ENTPD5: variants seen among roughly 807,000 people sequenced by gnomAD.
The protein encoded by ENTPD5 is ectonucleoside triphosphate diphosphohydrolase 5 (inactive).
In ENTPD5, 49 loss-of-function variants were observed where a neutral mutation model predicts 60.2. That is an observed-to-expected ratio of 0.81 (90% CI 0.65 to 1.03). ENTPD5 has a LOEUF of 1.03. Among genes scored for constraint, ENTPD5 ranks in the 50% least tolerant of loss-of-function variants. The pLI, the probability that ENTPD5 is intolerant of heterozygous loss-of-function variation, is 0.00. For missense variants in ENTPD5, 480 were observed against 507.6 expected, an observed-to-expected ratio of 0.95 and a Z score of 0.52; for synonymous variants, 187 against 185.4, an observed-to-expected ratio of 1.01 and a Z score of -0.07.
rs2056963507 is a variant in ENTPD5, at chr14:73,966,171, C to T, written c.*757G>A. The stretch of plus-strand genomic sequence containing the variant: ...GGAGGTGGTACTGGCACTGAATATA[C>T]ACATACCCATAAAGTCGGATATGTT... On this transcript the variant is annotated 3_prime_UTR_variant, in exon 16 of 16. Coordinates refer to ENST00000334696, the MANE Select transcript of ENTPD5 (RefSeq NM_001249.5). 1 of 152,212 alleles carries T rather than the reference C, an allele frequency of 6.6e-6. No homozygotes were observed. Among genetic ancestry groups the T allele is most frequent in the Non-Finnish European group, 1.5e-5 (1 of 68,028 alleles). 9.4% of individuals were successfully genotyped at this position (152,212 alleles called of 1,614,324 possible).
intron 12 of ENTPD5, 61 bp downstream of exon 12, chr14:73,973,816 G>T: frequency 1.4e-6 from 2 of 1,455,210 alleles, no homozygotes; most frequent in South Asian, 1.1e-5. Context: ...AGTTTCCCAT[G>T]GGACTTTTCC....
intron 5 of ENTPD5, 91 bp downstream of exon 5, chr14:73,986,723 A>C (rs902482565): frequency 1.3e-4 from 115 of 887,352 alleles, no homozygotes; most frequent in Non-Finnish European, 9.9e-5. Flanking sequence ...TCTCAATCTC[A>C]TTAGTGAATA....
chr14:73,999,235 C>G (rs1196343192), intron 3 of ENTPD5, among the ~76,000 whole-genome samples: 1 of 152,174 alleles, frequency 6.6e-6, no homozygotes, highest in Admixed American at 6.5e-5. Context: ...CGCCTGTAAT[C>G]CCAGCACTTT....
chr14:73,985,858 G>T (rs989367320), intron 5 of ENTPD5, among the ~76,000 whole-genome samples: 1 of 151,952 alleles, frequency 6.6e-6, no homozygotes, highest in Non-Finnish European at 1.5e-5. Flanking sequence ...CGGATCACAA[G>T]GTCAGGAGTT....
Position 73,976,357 on chromosome 14 carries a change from G to A in ENTPD5, c.609C>T (p.Ala203=), listed in dbSNP as rs1242246422. 13 of 1,614,134 alleles carry A rather than the reference G, an allele frequency of 8.1e-6. No homozygotes were observed. In the East Asian group the frequency reaches 2.2e-4, roughly 28 times the overall value. Residue 203 remains alanine (A), a synonymous_variant, in exon 9 of 16, where the codon GCC becomes GCT. Coordinates refer to ENST00000334696, the MANE Select transcript of ENTPD5 (RefSeq NM_001249.5). The part of the protein sequence containing the change: ...ETVGTLDLGG[A]STQITFLPQF... Reference sequence around the variant, plus strand: ...GGGGCAGGAACGTGATTTGGGTGGAGGCTCCCCCTAGGTCCAAGGTCCCCA... The same window carrying A: ...GGGGCAGGAACGTGATTTGGGTGGAAGCTCCCCCTAGGTCCAAGGTCCCCA...
chr14:73,964,589 T>C lies in ENTPD5; in HGVS notation c.*2339A>G, dbSNP rs1953833288. The stretch of plus-strand genomic sequence containing the variant: ...GACCAGAGACTTATATCTCTGCATT[T>C]GTCAAGCTGGAACAGTCTTTAGTGA... On this transcript the variant is annotated 3_prime_UTR_variant, in exon 16 of 16. Coordinates refer to ENST00000334696, the MANE Select transcript of ENTPD5 (RefSeq NM_001249.5). 6.6e-6 allele frequency: 1 copy of C among 152,234 alleles called. No individual in the cohort carries two copies. The highest frequency in any genetic ancestry group is 2.4e-5 in the African/African-American group (1 of 41,454). 9.4% of individuals were successfully genotyped at this position (152,234 alleles called of 1,614,324 possible).
rs1363747877 is a variant in ENTPD5, at chr14:73,966,098, A to G, written c.*830T>C. 2 of 152,262 alleles carry G rather than the reference A, an allele frequency of 1.3e-5. No individual in the cohort carries two copies. The highest frequency in any genetic ancestry group is 6.5e-5 in the Admixed American group (1 of 15,282). 9.4% of individuals were successfully genotyped at this position (152,262 alleles called of 1,614,324 possible). A position where few individuals can be genotyped will look rare whatever the true frequency, so the allele number is the denominator to read the frequency against. Reference sequence around the variant, plus strand: ...CTAGTTGTATTTCTTAGAAATACAAAGAAAACAAGTTTAGAATCATAGAAA... The same window carrying G: ...CTAGTTGTATTTCTTAGAAATACAAGGAAAACAAGTTTAGAATCATAGAAA... On this transcript the variant is annotated 3_prime_UTR_variant, in exon 16 of 16. Transcript: ENST00000334696.
chr14:73,976,189 T>C, intron 9 of ENTPD5, 135 bp downstream of exon 9: 2 of 841,548 alleles, frequency 2.4e-6, no homozygotes, highest in Non-Finnish European at 3.9e-6. Context: ...CAAGGGAACA[T>C]TCACCTAGTT....
intron 3 of ENTPD5, among the ~76,000 whole-genome samples, chr14:73,992,223 A>G (rs1226630094): frequency 6.6e-6 from 1 of 152,082 alleles, no homozygotes; most frequent in Non-Finnish European, 1.5e-5. Context: ...TTACTGGTTA[A>G]GTGACAAGAT....
At chr14:73,985,427 C>T (rs546012400) in intron 5 of ENTPD5, among the ~76,000 whole-genome samples, 4 of 152,214 alleles carry the variant, frequency 2.6e-5, no homozygotes, top group East Asian at 1.9e-4. Flanking sequence ...TTTTAATGAC[C>T]GCCATTCTAA....
At chr14:74,012,541 C>G (rs2058879247) in intron 2 of ENTPD5, among the ~76,000 whole-genome samples, 1 of 152,072 alleles carries the variant, frequency 6.6e-6, no homozygotes, top group African/African-American at 2.4e-5. Context: ...CATTAATGTC[C>G]CACTGTCCAC....
downstream of ENTPD5, chr14:73,958,136 G>A (rs759836230): frequency 1.9e-6 from 3 of 1,612,130 alleles, no homozygotes; most frequent in Admixed American, 3.3e-5. Flanking sequence ...CCTCTCTTTT[G>A]ACCTCCCCAG....
At chr14:73,962,946 C>G (rs1182096155), downstream of ENTPD5, 4 of 1,577,486 alleles carry the variant, frequency 2.5e-6, no homozygotes, top group Non-Finnish European at 3.5e-6. Flanking sequence ...TTAAGAGTTT[C>G]ATTCACTTTT....
At chr14:73,973,687 G>T (rs998444882) in intron 12 of ENTPD5, among the ~76,000 whole-genome samples, 190 bp downstream of exon 12, 5 of 152,128 alleles carry the variant, frequency 3.3e-5, no homozygotes, top group South Asian at 2.1e-4. Flanking sequence ...ATGACACTTG[G>T]CTGATGCAGA....
intron 3 of ENTPD5, chr14:74,003,469 A>G (rs1025355780): frequency 1.4e-6 from 2 of 1,428,300 alleles, no homozygotes; most frequent in Non-Finnish European, 1.9e-6. Flanking sequence ...CAGAGGTCCA[A>G]GTAAACCGCT....
intron 2 of ENTPD5, among the ~76,000 whole-genome samples, chr14:74,013,016 C>T (rs1385844273): frequency 1.3e-5 from 2 of 152,260 alleles, no homozygotes; most frequent in Admixed American, 6.5e-5. Context: ...TTGTTCCATA[C>T]AATAACCCTC....
downstream of ENTPD5, chr14:73,958,751 C>T (rs747169487): frequency 2.6e-5 from 37 of 1,447,356 alleles, no homozygotes; most frequent in Non-Finnish European, 3.2e-5. Flanking sequence ...TAACTCATGG[C>T]TGGCACCTGT....
In ENTPD5 at chr14:73,984,698, TTTAA is replaced by T. The variant is rs200573880; in HGVS notation, c.298-1541_298-1538del. Among the ~76,000 whole-genome samples the T allele has an allele frequency of 5.7e-3, 863 of 152,114 alleles. 8 individuals carry two copies. The highest frequency in any genetic ancestry group is 0.019 in the African/African-American group (786 of 41,536). On this transcript the variant is annotated intron_variant, in intron 5 of 15. Coordinates refer to ENST00000334696, the MANE Select transcript of ENTPD5 (RefSeq NM_001249.5). ...AATTTTTCTTTTTTAATTATTTATT[TTTAA>T]TTAATTAATTTATTTATTTACTATT...
At chr14:73,994,599 G>A (rs1027425108) in intron 3 of ENTPD5, among the ~76,000 whole-genome samples, 15 of 151,866 alleles carry the variant, frequency 9.9e-5, no homozygotes, top group African/African-American at 3.1e-4. Flanking sequence ...CAGGCGTGGT[G>A]GCAGGCACCT....
Sources: gnomAD v4.1 joint callset for allele counts (sites outside exome capture counted in the v4.1 genomes callset) on GRCh38, gnomAD v4.1.1 for gene constraint, MANE v1.5 for transcripts, NCBI Gene and HGNC (gene_info 2026-07-23, HGNC 2026-07-21) for gene names.